CDH4: variants seen among roughly 807,000 people sequenced by gnomAD.
The protein encoded by CDH4 is cadherin 4.
In CDH4, 33 loss-of-function variants were observed where a neutral mutation model predicts 86.0. The ratio of observed to expected loss-of-function variants is 0.38; its 90% confidence interval spans 0.29 to 0.51. CDH4 has a LOEUF of 0.51. Among genes scored for constraint, CDH4 ranks in the 20% least tolerant of loss-of-function variants. The probability of loss-of-function intolerance (pLI) is 0.86; values close to 1 mark genes in which losing one functional copy is unlikely to be tolerated. For synonymous variants in CDH4, 555 were observed against 549.4 expected (o/e 1.01, Z -0.14); for missense variants, 1,114 against 1,307.4 (o/e 0.85, Z 2.28).
intron 2 of CDH4, among the ~76,000 whole-genome samples, chr20:61,408,368 G>A (rs960459002): frequency 2.6e-5 from 4 of 152,136 alleles, no homozygotes; most frequent in Non-Finnish European, 5.9e-5. Flanking sequence ...GAATGGATGA[G>A]GGGAGTGTTC....
chr20:61,723,348 C>T (rs1024965267), intron 2 of CDH4, among the ~76,000 whole-genome samples: 4 of 152,190 alleles, frequency 2.6e-5, no homozygotes, highest in Non-Finnish European at 5.9e-5. Flanking sequence ...AGGCCCCTCC[C>T]GGGGCCCTCT....
intron 2 of CDH4, among the ~76,000 whole-genome samples, chr20:61,563,326 C>T (rs941096958): frequency 6.6e-5 from 10 of 152,220 alleles, no homozygotes; most frequent in South Asian, 2.1e-4. Flanking sequence ...CTCCTTGAAA[C>T]GCCTTGGGAA....
At chr20:61,364,919 G>A (rs986900975) in intron 2 of CDH4, among the ~76,000 whole-genome samples, 1 of 152,188 alleles carries the variant, frequency 6.6e-6, no homozygotes, top group Non-Finnish European at 1.5e-5. Flanking sequence ...AGTGGGGACA[G>A]CAGGAACTCG....
At chr20:61,759,168 C>T (rs2088602745) in intron 3 of CDH4, among the ~76,000 whole-genome samples, 1 of 152,116 alleles carries the variant, frequency 6.6e-6, no homozygotes, top group African/African-American at 2.4e-5. Flanking sequence ...CCAGTGCTGC[C>T]CTCCTGCAGG....
intron 2 of CDH4, among the ~76,000 whole-genome samples, chr20:61,453,110 A>G (rs1236536761): frequency 6.6e-6 from 1 of 152,226 alleles, no homozygotes; most frequent in Non-Finnish European, 1.5e-5. Flanking sequence ...AATAAGCCAT[A>G]AGACATTTGA....
At chr20:61,427,846 T>C (rs2085223238) in intron 2 of CDH4, among the ~76,000 whole-genome samples, 1 of 151,466 alleles carries the variant, frequency 6.6e-6, no homozygotes, top group South Asian at 2.1e-4. Context: ...GTGGCTGGTA[T>C]CCAACCAAGT....
At chr20:61,295,401 G>C (rs1169331785) in intron 2 of CDH4, among the ~76,000 whole-genome samples, 1 of 152,212 alleles carries the variant, frequency 6.6e-6, no homozygotes, top group East Asian at 1.9e-4. Context: ...CCGCTCTGTT[G>C]TCTGCCAGGG....
intron 2 of CDH4, among the ~76,000 whole-genome samples, chr20:61,420,748 C>A (rs1175033120): frequency 6.6e-6 from 1 of 152,250 alleles, no homozygotes; most frequent in Non-Finnish European, 1.5e-5. Flanking sequence ...GTGGCATGTC[C>A]CACAGGGGAA....
At chr20:61,857,375 T>A (rs1983066725) in intron 6 of CDH4, among the ~76,000 whole-genome samples, 1 of 152,234 alleles carries the variant, frequency 6.6e-6, no homozygotes, top group Non-Finnish European at 1.5e-5. Context: ...CGCAGACCCG[T>A]ACCACAGACG....
At chr20:61,626,141 G>C (rs2086827888) in intron 2 of CDH4, among the ~76,000 whole-genome samples, 1 of 152,366 alleles carries the variant, frequency 6.6e-6, no homozygotes, top group South Asian at 2.1e-4. Flanking sequence ...CCGAGACCCT[G>C]CCCTTGGGAA....
intron 2 of CDH4, among the ~76,000 whole-genome samples, chr20:61,348,847 G>C (rs1164905129): frequency 6.6e-6 from 1 of 152,182 alleles, no homozygotes; most frequent in African/African-American, 2.4e-5. Context: ...GGAAGAGAAA[G>C]CCATTTGGAT....
chr20:61,792,433 T>G (rs574999200), intron 4 of CDH4, among the ~76,000 whole-genome samples: 1 of 152,174 alleles, frequency 6.6e-6, no homozygotes, highest in African/African-American at 2.4e-5. Context: ...CCCAAGGGCC[T>G]CTTCCAAGAT....
chr20:61,745,541 G>A (rs532845450), intron 3 of CDH4, among the ~76,000 whole-genome samples: 3 of 152,334 alleles, frequency 2.0e-5, no homozygotes, highest in South Asian at 2.1e-4. Context: ...AGCAGAGCAC[G>A]CCTCTAACGG....
intron 2 of CDH4, among the ~76,000 whole-genome samples, chr20:61,563,920 G>C (rs559082823): frequency 1.6e-4 from 24 of 152,226 alleles, no homozygotes; most frequent in African/African-American, 5.8e-4. Context: ...ATTACAACCT[G>C]CCTTCTTGGC....
At chr20:61,359,419 C>T (rs1224035302) in intron 2 of CDH4, among the ~76,000 whole-genome samples, 1 of 152,202 alleles carries the variant, frequency 6.6e-6, no homozygotes, top group Non-Finnish European at 1.5e-5. Flanking sequence ...CCAGGCTCCC[C>T]TGGGAGCACC....
chr20:61,439,494 G>A (rs1328123400), intron 2 of CDH4, among the ~76,000 whole-genome samples: 5 of 152,226 alleles, frequency 3.3e-5, no homozygotes, highest in Admixed American at 6.5e-5. Context: ...AGTAGTGGAC[G>A]CTGGTCACCA....
chr20:61,444,398 T>C (rs552186945), intron 2 of CDH4, among the ~76,000 whole-genome samples: 1 of 152,292 alleles, frequency 6.6e-6, no homozygotes, highest in Admixed American at 6.5e-5. Flanking sequence ...TGTCTGTGTG[T>C]GTATTTGTGT....
chr20:61,777,775 A>G (rs61584146), intron 4 of CDH4, among the ~76,000 whole-genome samples: 15,456 of 63,102 alleles, frequency 0.24, 1,133 homozygotes, highest in East Asian at 0.39. Context: ...TGCATACAAA[A>G]ACACACATCC....
chr20:61,751,818 A>G lies in CDH4; in HGVS notation c.396+8029A>G, dbSNP rs570726473. On this transcript the variant is annotated intron_variant, in intron 3 of 15. Transcript: ENST00000614565. ...CAACAGAGGAAAGACTGTCTTTTCA[A>G]TAAATGATGCTGGGCCAATGGGGCA... Among the ~76,000 whole-genome samples, 20 of 152,356 alleles carry G rather than the reference A, an allele frequency of 1.3e-4. 1 individual carries two copies. The South Asian group carries it at 2.3e-3, about 17-fold the overall frequency.
Sources: allele counts gnomAD v4.1 joint callset (sites outside exome capture counted in the v4.1 genomes callset), GRCh38; gene constraint gnomAD v4.1.1; transcripts MANE v1.5; gene names NCBI Gene and HGNC (gene_info 2026-07-23, HGNC 2026-07-21).